The following ZFHX3 variants were observed in gnomAD, a reference collection of about 807,000 sequenced individuals.
The protein encoded by ZFHX3 is zinc finger homeobox 3, also known as zinc finger homeobox protein 3.
In ZFHX3, 42 loss-of-function variants were observed where a neutral mutation model predicts 279.1. The ratio of observed to expected loss-of-function variants is 0.15; its 90% confidence interval spans 0.12 to 0.19. ZFHX3 has a LOEUF of 0.19. Ranked by LOEUF, ZFHX3 falls within the 10% of genes least tolerant of loss-of-function variation. The pLI is 1.00. For missense variants in ZFHX3, 4,981 were observed against 4,754.0 expected, an observed-to-expected ratio of 1.05 and a Z score of -1.40; for synonymous variants, 2,293 against 1,957.8, an observed-to-expected ratio of 1.17 and a Z score of -4.52.
At chr16:73,472,619 C>T (rs562546047) in intron 2 of ZFHX3, among the ~76,000 whole-genome samples, 49 of 152,286 alleles carry the variant, frequency 3.2e-4, no homozygotes, top group African/African-American at 1.1e-3. Context: ...TCCGTCCTAC[C>T]GTCTGTGCCA....
chr16:73,863,414 C>T (rs1961933043), intron 1 of ZFHX3, among the ~76,000 whole-genome samples: 1 of 152,076 alleles, frequency 6.6e-6, no homozygotes. Context: ...AAAGGAAACA[C>T]CCTTCCTTTT....
chr16:73,508,345 AG>A (rs1368548004), intron 2 of ZFHX3, among the ~76,000 whole-genome samples: 38 of 152,320 alleles, frequency 2.5e-4, no homozygotes, highest in East Asian at 7.7e-4. Flanking sequence ...TCATCTAAAA[AG>A]AAGGAGGAGA....
intron 2 of ZFHX3, among the ~76,000 whole-genome samples, chr16:73,646,808 T>C (rs1481165245): frequency 6.6e-6 from 1 of 152,122 alleles, no homozygotes; most frequent in Non-Finnish European, 1.5e-5. Context: ...TATGGGAAAT[T>C]GAAAAAGTTG....
At chr16:72,803,168 C>T (rs2036162721) in intron 7 of ZFHX3, among the ~76,000 whole-genome samples, 1 of 152,134 alleles carries the variant, frequency 6.6e-6, no homozygotes, top group Non-Finnish European at 1.5e-5. Flanking sequence ...CCCATCTCTA[C>T]TATAAATACA....
intron 6 of ZFHX3, among the ~76,000 whole-genome samples, chr16:73,133,172 G>A (rs1184068426): frequency 6.6e-6 from 1 of 152,204 alleles, no homozygotes; most frequent in Non-Finnish European, 1.5e-5. Context: ...GTGGAATTAT[G>A]TCCATAACCC....
At chr16:73,162,096 G>A (rs534610577) in intron 5 of ZFHX3, among the ~76,000 whole-genome samples, 2 of 152,180 alleles carry the variant, frequency 1.3e-5, no homozygotes, top group African/African-American at 4.8e-5. Flanking sequence ...GGGGTCCCCA[G>A]CCCCTGGGGC....
At chr16:73,222,279 T>C (rs981337038) in intron 5 of ZFHX3, among the ~76,000 whole-genome samples, 5 of 152,028 alleles carry the variant, frequency 3.3e-5, no homozygotes, top group African/African-American at 7.2e-5. Flanking sequence ...CCTTATATCA[T>C]AAGATTTTTT....
At chr16:73,059,353 GACAC>G (rs886411664) in exon 1 of ZFHX3, 43 of 117,812 alleles carry the variant, frequency 3.6e-4, no homozygotes, top group African/African-American at 1.3e-3. Context: ...ACACACACAC[GACAC>G]ACACACGAGC....
chr16:73,833,264 G>T (rs1439475670), intron 1 of ZFHX3, among the ~76,000 whole-genome samples: 4 of 152,140 alleles, frequency 2.6e-5, no homozygotes, highest in African/African-American at 9.7e-5. Flanking sequence ...TTGGGAGGCT[G>T]AGGCAAGAGG....
intron 2 of ZFHX3, among the ~76,000 whole-genome samples, chr16:73,543,107 G>A (rs2020047121): frequency 6.6e-6 from 1 of 152,156 alleles, no homozygotes; most frequent in Non-Finnish European, 1.5e-5. Flanking sequence ...GGGCAGGTAT[G>A]TTTTTCAACA....
At chr16:73,323,314 CT>C (rs2143203412) in intron 3 of ZFHX3, among the ~76,000 whole-genome samples, 2 of 152,244 alleles carry the variant, frequency 1.3e-5, no homozygotes, top group South Asian at 4.2e-4. Context: ...AACCATCCAG[CT>C]AGGACAGCCT....
At chr16:73,011,098 C>G (rs913882099) in intron 1 of ZFHX3, among the ~76,000 whole-genome samples, 3 of 152,192 alleles carry the variant, frequency 2.0e-5, no homozygotes, top group African/African-American at 7.2e-5. Flanking sequence ...TCTCCCACCT[C>G]AGCCTCCCCA....
intron 1 of ZFHX3, among the ~76,000 whole-genome samples, chr16:73,703,105 C>T (rs1478123463): frequency 6.6e-6 from 1 of 152,132 alleles, no homozygotes; most frequent in Non-Finnish European, 1.5e-5. Flanking sequence ...GTCAGCAATC[C>T]CCTATGCAGC....
chr16:73,121,223 A>G (rs1456117669), intron 7 of ZFHX3, among the ~76,000 whole-genome samples: 2 of 152,234 alleles, frequency 1.3e-5, no homozygotes, highest in East Asian at 3.8e-4. Context: ...TTGGCATACA[A>G]ATTGAGATGT....
chr16:73,345,879 C>T (rs556452441), intron 3 of ZFHX3, among the ~76,000 whole-genome samples: 21 of 152,218 alleles, frequency 1.4e-4, no homozygotes, highest in African/African-American at 4.6e-4. Flanking sequence ...CCCTGCTTCC[C>T]TAGGGCACAG....
chr16:73,518,785 G>A (rs1263168749), intron 2 of ZFHX3, among the ~76,000 whole-genome samples: 5 of 152,166 alleles, frequency 3.3e-5, no homozygotes, highest in African/African-American at 1.2e-4. Context: ...TCATTTCTGA[G>A]TCCAACAAAG....
intron 1 of ZFHX3, among the ~76,000 whole-genome samples, chr16:73,890,054 A>G (rs2030478260): frequency 6.6e-6 from 1 of 152,100 alleles, no homozygotes; most frequent in South Asian, 2.1e-4. Context: ...AAATTTCTAT[A>G]CTGATTTGTC....
At chr16:73,758,131 C>T (rs1597097843) in intron 1 of ZFHX3, among the ~76,000 whole-genome samples, 1 of 152,160 alleles carries the variant, frequency 6.6e-6, no homozygotes. Flanking sequence ...ATAAGGAGCT[C>T]AATTCTTCCC....
chr16:73,365,151 T>C (rs1282550035), intron 3 of ZFHX3, among the ~76,000 whole-genome samples: 1 of 152,370 alleles, frequency 6.6e-6, no homozygotes, highest in East Asian at 1.9e-4. Flanking sequence ...TGATGATTAC[T>C]GAGCCTCTGT....
Sources: gnomAD v4.1 joint callset for allele counts (sites outside exome capture counted in the v4.1 genomes callset) on GRCh38, gnomAD v4.1.1 for gene constraint, MANE v1.5 for transcripts, NCBI Gene and HGNC (gene_info 2026-07-23, HGNC 2026-07-21) for gene names.